Variants in TST observed in about 807,000 individuals in gnomAD.
The protein encoded by TST is epididymis secretory sperm binding protein.
TST carries 22 observed loss-of-function variants against 20.4 expected under a neutral mutation model. The observed-to-expected ratio is 1.08, with a 90% CI of 0.77 to 1.54. The LOEUF is 1.54. Ranked by LOEUF, TST falls within the 40% of genes most tolerant of loss-of-function variation. TST has a pLI of 0.00. For synonymous variants in TST, 187 were observed against 173.8 expected, an observed-to-expected ratio of 1.08 and a Z score of -0.60; for missense variants, 392 against 405.2, an observed-to-expected ratio of 0.97 and a Z score of 0.28.
chr22:37,015,262 A>C (rs1007508957), intron 2 of TST, among the ~76,000 whole-genome samples: 1 of 152,106 alleles, frequency 6.6e-6, no homozygotes, highest in African/African-American at 2.4e-5. Context: ...AGACTATATA[A>C]AAAGCGTTCT....
At chr22:37,019,897 G>C, upstream of TST, 3 of 1,187,604 alleles carry the variant, frequency 2.5e-6, no homozygotes, top group South Asian at 4.3e-5. Context: ...GTGGCGGCTT[G>C]CCTTTCTGGA....
intron 2 of TST, among the ~76,000 whole-genome samples, chr22:37,016,268 G>T (rs192693698): frequency 2.5e-4 from 38 of 152,108 alleles, no homozygotes; most frequent in African/African-American, 8.7e-4. Context: ...TTAAACAAAT[G>T]CATACTCATG....
intron 2 of TST, 53 bp from the exon 3 acceptor site, chr22:37,011,378 T>C (rs751358428): frequency 1.7e-4 from 270 of 1,561,382 alleles, no homozygotes; most frequent in Non-Finnish European, 2.2e-4. Context: ...TGGGGACTAA[T>C]GGGGCCTGGA....
At chr22:37,014,899 T>C (rs1382191619) in intron 2 of TST, among the ~76,000 whole-genome samples, 1 of 152,134 alleles carries the variant, frequency 6.6e-6, no homozygotes, top group African/African-American at 2.4e-5. Context: ...AGGCAACCCC[T>C]TAACCCTAGC....
At chr22:37,011,358 GTA>G in intron 2 of TST, 33 bp from the exon 3 acceptor site, 3 of 1,587,756 alleles carry the variant, frequency 1.9e-6, no homozygotes, top group Non-Finnish European at 2.6e-6. Flanking sequence ...CTTAGGGGAT[GTA>G]TGAGGGGTGG....
At chr22:37,019,923 T>A, upstream of TST, 3 of 945,116 alleles carry the variant, frequency 3.2e-6, no homozygotes, top group Non-Finnish European at 4.1e-6. Context: ...AGGGAGTGGC[T>A]CTTTGGGGGT....
rs1192763316 is a variant in TST at position 37,014,372 on chromosome 22, AAAAC to A, written c.596-3051_596-3048del. ...GTGACAGAGCGAGACTCCGTCTCAA[AAAAC>A]AAACAAACAAACAAAAAGAACAGCC... On this transcript the variant is annotated intron_variant, in intron 2 of 2. Coordinates refer to ENST00000249042, the MANE Select transcript of TST (RefSeq NM_003312.6). Among the ~76,000 whole-genome samples, 8 of 152,248 alleles carry A rather than the reference AAAAC, an allele frequency of 5.3e-5. No homozygotes were observed. In the South Asian group the frequency reaches 6.2e-4, roughly 12 times the overall value.
chr22:37,018,530 G>T lies in TST; in HGVS notation c.203C>A (p.Ala68Glu), dbSNP rs1209577118. The T allele has an allele frequency of 6.3e-7, 1 of 1,585,074 alleles. No individual in the cohort carries two copies. Among genetic ancestry groups the T allele is most frequent in the Admixed American group, 1.8e-5 (1 of 55,808 alleles). Residue 68 changes from alanine to glutamate, a missense_variant, in exon 2 of 3, where the codon GCG becomes GAG. Ala to Glu is a moderately radical substitution (Grantham distance 107). Transcript: ENST00000249042. ...FFDIEECRDT[A>E]SPYEMMLPSE... ...GGGCAGCATCATCTCGTAGGGCGAC[G>T]CCGTGTCCCGGCACTCTTCTATGTC...
At chr22:37,018,821 G>T in intron 1 of TST, 68 bp from the exon 2 acceptor site, 1 of 1,126,608 alleles carries the variant, frequency 8.9e-7, no homozygotes, top group Non-Finnish European at 1.2e-6. Context: ...GCAGTAGGGT[G>T]AGGCCTGGGA....
Position 37,011,128 on chromosome 22 carries a change from C to T in TST, c.793G>A (p.Gly265Ser), listed in dbSNP as rs530144727. The change falls in exon 3 of 3, where the codon GGC becomes AGC. Residue 265 changes from glycine to serine, a missense_variant. Transcript: ENST00000249042. The part of the protein sequence containing the change: ...CHVALAAYLC[G>S]KPDVAVYDGS... ...TCGTACACGGCCACATCAGGCTTGC[C>T]GCAGAGGTAGGCAGCCAAGGCCACG... 29 of 1,613,702 alleles carry T rather than the reference C, an allele frequency of 1.8e-5. No individual in the cohort carries two copies. In the East Asian group the frequency reaches 3.3e-4, roughly 19 times the overall value.
At chr22:37,018,024 C>T (rs552017890) in intron 2 of TST, 114 bp downstream of exon 2, 1 of 778,532 alleles carries the variant, frequency 1.3e-6, no homozygotes, top group African/African-American at 1.8e-5. Flanking sequence ...CTGAGGCCTA[C>T]ATGGGAGGAT....
In TST at chr22:37,011,181, G is replaced by C. The variant is rs143561353; in HGVS notation, c.740C>G (p.Thr247Arg). 6.2e-6 allele frequency: 10 copies of C among 1,613,842 alleles called. No homozygotes were observed. Among genetic ancestry groups the C allele is most frequent in the Non-Finnish European group, 8.5e-6 (10 of 1,180,026 alleles). ...GCAGGCGGTGACTCCCTTGCGGCAC[G>C]TGGCAATGAGAGGCTGCGAGAGATC... ...KVDLSQPLIA[T>R]CRKGVTACHV... The change falls in exon 3 of 3, where the codon ACG (threonine) becomes AGG (arginine). Residue 247 changes from threonine (T) to arginine (R), a missense_variant. Transcript: ENST00000249042.
intron 2 of TST, among the ~76,000 whole-genome samples, chr22:37,012,156 C>T (rs1276672764): frequency 6.6e-6 from 1 of 152,178 alleles, no homozygotes; most frequent in Non-Finnish European, 1.5e-5. Context: ...GGCTGGCCCA[C>T]CCACCCTGCC....
chr22:37,010,916 C>T lies in TST; in HGVS notation c.*111G>A, dbSNP rs1922440875. ...GTTGACAGAGAGAGGGTGAGCCTTG[C>T]ACAGCAATTCTAAAAACATGTCATC... On this transcript the variant is annotated 3_prime_UTR_variant, in exon 3 of 3. Coordinates refer to ENST00000249042, the MANE Select transcript of TST (RefSeq NM_003312.6). The T allele has an allele frequency of 2.1e-6, 3 of 1,445,112 alleles. No individual in the cohort carries two copies. The highest frequency in any genetic ancestry group is 1.9e-6 in the Non-Finnish European group (2 of 1,067,660). 89.5% of individuals were successfully genotyped at this position (1,445,112 alleles called of 1,614,324 possible).
Position 37,011,188 on chromosome 22 carries a change from T to G in TST, c.733A>C (p.Ile245Leu). ...TKKVDLSQPL[I>L]ATCRKGVTAC... Reference sequence around the variant, plus strand: ...GTGACTCCCTTGCGGCACGTGGCAATGAGAGGCTGCGAGAGATCCACCTTC... The same window carrying G: ...GTGACTCCCTTGCGGCACGTGGCAAGGAGAGGCTGCGAGAGATCCACCTTC... Residue 245 changes from isoleucine (I) to leucine (L), a missense_variant, in exon 3 of 3, where the codon ATT (isoleucine) becomes CTT (leucine). Physicochemically the swap from Ile to Leu is conservative, Grantham distance 5 (BLOSUM62 2). Coordinates refer to ENST00000249042, the MANE Select transcript of TST (RefSeq NM_003312.6). The G allele has an allele frequency of 6.2e-7, 1 of 1,613,800 alleles. No individual in the cohort carries two copies. Among genetic ancestry groups the G allele is most frequent in the Non-Finnish European group, 8.5e-7 (1 of 1,180,004 alleles).
intron 2 of TST, among the ~76,000 whole-genome samples, chr22:37,014,387 A>T (rs1009843643): frequency 1.3e-5 from 2 of 152,006 alleles, no homozygotes; most frequent in African/African-American, 2.4e-5. Context: ...AAACAAACAA[A>T]CAAAAAGAAC....
Position 37,011,037 on chromosome 22 carries a change from T to G in TST, c.884A>C (p.Glu295Ala), listed in dbSNP as rs1258178747. ...PESRVSQGKS[E>A]KA ...AGAAGAGGTCACGGCTCAGGCCTTCTCAGACTTTCCCTGGGACACACGGCT... is the reference window on the plus strand; with the variant it reads ...AGAAGAGGTCACGGCTCAGGCCTTCGCAGACTTTCCCTGGGACACACGGCT... The change falls in exon 3 of 3, where the codon GAG (glutamate) becomes GCG (alanine). Residue 295 changes from glutamate (E) to alanine (A), a missense_variant. Glu to Ala is a moderately radical substitution (Grantham distance 107, BLOSUM62 -1). Coordinates refer to ENST00000249042, the MANE Select transcript of TST (RefSeq NM_003312.6). 2 of 1,609,216 alleles carry G rather than the reference T, an allele frequency of 1.2e-6. No individual in the cohort carries two copies. The highest frequency in any genetic ancestry group is 8.5e-7 in the Non-Finnish European group (1 of 1,178,160).
In TST at chr22:37,018,363, C is replaced by A; in HGVS notation, c.370G>T (p.Val124Leu). 6.2e-7 allele frequency: 1 copy of A among 1,613,974 alleles called. No homozygotes were observed. The highest frequency in any genetic ancestry group is 1.1e-5 in the South Asian group (1 of 91,082). ...CGGAAGCCACCATTGAGCACTGATA[C>A]GGTGCGGTGGCCAAACACACGGAAC... Reference protein sequence around the residue: ...WMFRVFGHRTVSVLNGGFRNW... With the variant: ...WMFRVFGHRTLSVLNGGFRNW... The change falls in exon 2 of 3, where the codon GTA becomes TTA. Residue 124 changes from valine (V) to leucine (L), a missense_variant. Physicochemically the swap from Val to Leu is conservative, Grantham distance 32. Transcript: ENST00000249042.
intron 2 of TST, among the ~76,000 whole-genome samples, chr22:37,012,358 C>G (rs5756479): frequency 1.3e-5 from 2 of 152,076 alleles, no homozygotes; most frequent in African/African-American, 4.8e-5. Flanking sequence ...TTCAGAAGAG[C>G]CAGGAATTGG....
Sources: gnomAD v4.1 joint callset for allele counts (sites outside exome capture counted in the v4.1 genomes callset) on GRCh38, gnomAD v4.1.1 for gene constraint, MANE v1.5 for transcripts, NCBI Gene and HGNC (gene_info 2026-07-23, HGNC 2026-07-21) for gene names.